The following ADAMTS16 variants were observed in gnomAD, a reference collection of about 807,000 sequenced individuals.
ADAMTS16 encodes the protein A disintegrin and metalloproteinase with thrombospondin motifs 16.
Under a neutral mutation model 145.8 loss-of-function variants are expected in ADAMTS16, and 94 were observed. That is an observed-to-expected ratio of 0.64 (90% confidence interval 0.55 to 0.77). The LOEUF is 0.77. Ranked by LOEUF, ADAMTS16 falls within the 30% of genes least tolerant of loss-of-function variation. The pLI, the probability that ADAMTS16 is intolerant of heterozygous loss-of-function variation, is 0.00. For synonymous variants in ADAMTS16, 659 were observed against 604.3 expected, an observed-to-expected ratio of 1.09 and a Z score of -1.33; for missense variants, 1,585 against 1,591.5, an observed-to-expected ratio of 1.00 and a Z score of 0.07.
At chr5:5,285,774 A>G (rs1739080690) in intron 18 of ADAMTS16, among the ~76,000 whole-genome samples, 1 of 152,214 alleles carries the variant, frequency 6.6e-6, no homozygotes, top group Non-Finnish European at 1.5e-5. Context: ...GTTCAAGGCC[A>G]CTTAATGCCT....
intron 21 of ADAMTS16, among the ~76,000 whole-genome samples, chr5:5,309,835 T>C (rs1348586429): frequency 6.6e-6 from 1 of 150,750 alleles, no homozygotes; most frequent in African/African-American, 2.4e-5. Flanking sequence ...CTCGTGTGTG[T>C]GTGTGTGTGT....
At chr5:5,230,491 CA>C (rs1191905167) in intron 11 of ADAMTS16, among the ~76,000 whole-genome samples, 3 of 152,094 alleles carry the variant, frequency 2.0e-5, no homozygotes, top group Non-Finnish European at 4.4e-5. Flanking sequence ...GAAATGATTT[CA>C]AGTCTGGGAG....
chr5:5,248,863 T>C (rs550949230), intron 17 of ADAMTS16, among the ~76,000 whole-genome samples: 19 of 152,364 alleles, frequency 1.2e-4, no homozygotes, highest in Admixed American at 3.9e-4. Context: ...GGAATAAACA[T>C]TTAAATTCAC....
At chr5:5,289,250 G>A (rs11744193) in intron 18 of ADAMTS16, among the ~76,000 whole-genome samples, 128,938 of 152,220 alleles carry the variant, frequency 0.85, 55,050 homozygotes, top group Non-Finnish European at 0.89. Context: ...TGTCCTCCAG[G>A]GGCACTGATT....
In ADAMTS16 at chr5:5,226,681, C is replaced by T. The variant is rs1476124793; in HGVS notation, c.1701+3797C>T. On this transcript the variant is annotated intron_variant, in intron 11 of 22. Transcript: ENST00000274181. ...CCCACTGTTGTTCTTCTTGATGGCA[C>T]CTCGTCTCCTCTCTCTGCTACTGAG... is the stretch of plus-strand genomic sequence containing the variant. 2.0e-5 allele frequency among the ~76,000 whole-genome samples: 3 copies of T among 152,150 alleles called. 1 individual carries two copies. The highest frequency in any genetic ancestry group is 3.9e-4 in the East Asian group (2 of 5,186).
chr5:5,291,161 G>A (rs946793048), intron 18 of ADAMTS16, among the ~76,000 whole-genome samples: 5 of 151,784 alleles, frequency 3.3e-5, no homozygotes, highest in South Asian at 2.1e-4. Flanking sequence ...ATCACTGAGA[G>A]GCAATACAAC....
intron 8 of ADAMTS16, among the ~76,000 whole-genome samples, chr5:5,192,166 G>C (rs1735678038): frequency 6.6e-6 from 1 of 151,964 alleles, no homozygotes; most frequent in Non-Finnish European, 1.5e-5. Flanking sequence ...GTAATTTTTG[G>C]AGTGACAGGG....
At chr5:5,268,615 C>T (rs1455507833) in intron 18 of ADAMTS16, among the ~76,000 whole-genome samples, 1 of 152,186 alleles carries the variant, frequency 6.6e-6, no homozygotes, top group Non-Finnish European at 1.5e-5. Flanking sequence ...TTTCTCCTTC[C>T]CGTCTTTGTT....
At chr5:5,236,880 G>A (rs1301494251) in intron 13 of ADAMTS16, 89 bp from the exon 14 acceptor site, 2 of 1,468,958 alleles carry the variant, frequency 1.4e-6, no homozygotes, top group African/African-American at 2.8e-5. Flanking sequence ...TATGGGGGAA[G>A]AAAGAAAGTC....
chr5:5,202,747 A>G (rs1336190132), intron 9 of ADAMTS16, among the ~76,000 whole-genome samples: 2 of 152,120 alleles, frequency 1.3e-5, no homozygotes, highest in African/African-American at 2.4e-5. Context: ...CACTTTTTCT[A>G]TTTTGAAATA....
chr5:5,282,047 C>T (rs1210292876), intron 18 of ADAMTS16, among the ~76,000 whole-genome samples: 4 of 151,682 alleles, frequency 2.6e-5, no homozygotes, highest in Non-Finnish European at 5.9e-5. Context: ...TATATGCTCA[C>T]CCGTTGAGCC....
rs1392385481 is a variant in ADAMTS16 at position 5,262,779 on chromosome 5, C to T, written c.2785C>T (p.Pro929Ser). Residue 929 changes from proline (P) to serine (S), a missense_variant, in exon 18 of 23, where the codon CCC (proline) becomes TCC (serine). Pro to Ser is a moderately conservative substitution (Grantham distance 74, BLOSUM62 -1). Transcript: ENST00000274181. Reference protein sequence around the residue: ...LVPCKVSACPPSWSVGNWSAC... With the variant: ...LVPCKVSACPSSWSVGNWSAC... ...GCCTTGCAAAGTATCTGCCTGTCCT[C>T]CCAGGTAAGAAGCATCGCGTTCATC... is the stretch of plus-strand genomic sequence containing the variant. 1.3e-5 allele frequency: 21 copies of T among 1,613,818 alleles called. No individual in the cohort carries two copies. The highest frequency in any genetic ancestry group is 1.8e-5 in the Non-Finnish European group (21 of 1,179,984).
rs1734296190 is a variant in ADAMTS16 at position 5,146,323 on chromosome 5, T to C, written c.369T>C (p.Phe123=). Residue 123 remains phenylalanine, a synonymous_variant, in exon 3 of 23, where the codon TTT becomes TTC. Coordinates refer to ENST00000274181, the MANE Select transcript of ADAMTS16 (RefSeq NM_139056.4). The part of the protein sequence containing the change: ...RTSSSLVAPG[F]IVQTLGKTGT... ...CCAGCAGCCTAGTGGCTCCTGGCTT[T>C]ATTGTGCAGACGTTGGGAAAGACAG... The C allele has an allele frequency of 1.2e-6, 2 of 1,614,076 alleles. No homozygotes were observed. Among genetic ancestry groups the C allele is most frequent in the South Asian group, 1.1e-5 (1 of 91,088 alleles).
chr5:5,190,434 T>C (rs986742824), intron 7 of ADAMTS16, among the ~76,000 whole-genome samples: 1 of 152,190 alleles, frequency 6.6e-6, no homozygotes, highest in Non-Finnish European at 1.5e-5. Context: ...GGTGGATAGA[T>C]CGAAGGCTTT....
At chr5:5,237,463 C>T (rs1033128755) in intron 14 of ADAMTS16, among the ~76,000 whole-genome samples, 1 of 152,108 alleles carries the variant, frequency 6.6e-6, no homozygotes, top group African/African-American at 2.4e-5. Flanking sequence ...GGTTGCTAGC[C>T]ACTGATTCAG....
chr5:5,150,760 C>G (rs938170366), intron 3 of ADAMTS16, among the ~76,000 whole-genome samples: 1 of 152,182 alleles, frequency 6.6e-6, no homozygotes, highest in Non-Finnish European at 1.5e-5. Flanking sequence ...CATAGTCATC[C>G]GTAGAATTGT....
intron 2 of ADAMTS16, among the ~76,000 whole-genome samples, chr5:5,144,052 C>A (rs1395824885): frequency 6.6e-6 from 1 of 152,036 alleles, no homozygotes; most frequent in Non-Finnish European, 1.5e-5. Flanking sequence ...GTGCAGCAAA[C>A]CACCATGATA....
chr5:5,303,186 GC>G (rs1739862809), intron 18 of ADAMTS16, 81 bp from the exon 19 acceptor site: 8 of 1,386,110 alleles, frequency 5.8e-6, no homozygotes, highest in Non-Finnish European at 7.7e-6. Context: ...AAATCGCGCC[GC>G]TGCCTCCACA....
chr5:5,176,947 G>T lies in ADAMTS16; in HGVS notation c.502-5097G>T, dbSNP rs549664062. 3.9e-5 allele frequency among the ~76,000 whole-genome samples: 6 copies of T among 152,244 alleles called. No homozygotes were observed. The East Asian group carries it at 1.2e-3, about 29-fold the overall frequency. ...ATGTTTATTACACTGATCCAGTTTA[G>T]CCAGGCCACAAGATCCAGGTAGAAC... On this transcript the variant is annotated intron_variant, in intron 3 of 22. Coordinates refer to ENST00000274181, the MANE Select transcript of ADAMTS16 (RefSeq NM_139056.4).
Sources: gnomAD v4.1 joint callset for allele counts (sites outside exome capture counted in the v4.1 genomes callset) on GRCh38, gnomAD v4.1.1 for gene constraint, MANE v1.5 for transcripts, NCBI Gene and HGNC (gene_info 2026-07-23, HGNC 2026-07-21) for gene names.